Variants in ACOT11 observed in about 807,000 individuals in gnomAD.
ACOT11 encodes the protein acyl-CoA thioesterase 11, also known as acyl-coenzyme A thioesterase 11.
A neutral mutation model predicts 77.5 loss-of-function variants in ACOT11; 69 were observed. The ratio of observed to expected loss-of-function variants is 0.89; its 90% CI spans 0.73 to 1.09. The LOEUF is 1.09. ACOT11 is among the 50% of genes least tolerant of loss of function. The pLI, the probability that ACOT11 is intolerant of heterozygous loss-of-function variation, is 0.00. For synonymous variants in ACOT11, 279 were observed against 313.0 expected, an observed-to-expected ratio of 0.89 and a Z score of 1.15; for missense variants, 766 against 813.7, an observed-to-expected ratio of 0.94 and a Z score of 0.71.
At chr1:54,576,742 G>T (rs1288380400) in intron 1 of ACOT11, among the ~76,000 whole-genome samples, 1 of 152,176 alleles carries the variant, frequency 6.6e-6, no homozygotes, top group Non-Finnish European at 1.5e-5. Context: ...GATTAATTTT[G>T]TGAGGATGGC....
chr1:54,603,863 C>T lies in ACOT11; in HGVS notation c.1086-8C>T. ...GGGACCAAGGTTGTCATCTTCTCTC[C>T]TTCCCAGGAAGTACATCGTGTCCTG... On this transcript the variant is annotated splice_polypyrimidine_tract_variant and splice_region_variant and intron_variant, in intron 10 of 15. Transcript: ENST00000343744. The T allele has an allele frequency of 6.2e-7, 1 of 1,613,976 alleles. No homozygotes were observed. Among genetic ancestry groups the T allele is most frequent in the East Asian group, 2.2e-5 (1 of 44,878 alleles).
intron 3 of ACOT11, among the ~76,000 whole-genome samples, chr1:54,586,683 C>T (rs1397472993): frequency 1.3e-5 from 2 of 152,158 alleles, no homozygotes; most frequent in Non-Finnish European, 2.9e-5. Context: ...ATCCACCTGC[C>T]CTCGCCTCCC....
intron 15 of ACOT11, among the ~76,000 whole-genome samples, chr1:54,619,450 A>T (rs1644207270): frequency 6.6e-6 from 1 of 152,174 alleles, no homozygotes; most frequent in Non-Finnish European, 1.5e-5. Flanking sequence ...CCCATGAAAC[A>T]GATTGCATGG....
intron 3 of ACOT11, among the ~76,000 whole-genome samples, chr1:54,590,636 G>A (rs1654678733): frequency 6.6e-6 from 1 of 152,128 alleles, no homozygotes; most frequent in South Asian, 2.1e-4. Flanking sequence ...TTTTGATCAT[G>A]AAAACTTTCA....
Position 54,601,431 on chromosome 1 carries a change from C to T in ACOT11, c.1029+18C>T. On this transcript the variant is annotated intron_variant, in intron 9 of 15. Transcript: ENST00000343744. ...AGCCCGGCGTAAGTGGGACCAGCGC[C>T]CTGCCCCACCAGCAGCTCCCCTCCC... is the stretch of plus-strand genomic sequence containing the variant. 3.1e-6 allele frequency: 5 copies of T among 1,606,830 alleles called. No individual in the cohort carries two copies. The highest frequency in any genetic ancestry group is 4.2e-6 in the Non-Finnish European group (5 of 1,177,936).
intron 1 of ACOT11, among the ~76,000 whole-genome samples, chr1:54,570,299 C>A (rs1653887704): frequency 6.6e-6 from 1 of 152,180 alleles, no homozygotes; most frequent in Non-Finnish European, 1.5e-5. Flanking sequence ...TGAAATGAAC[C>A]ACAAACCAAT....
chr1:54,562,900 G>A (rs1313660385), intron 1 of ACOT11, among the ~76,000 whole-genome samples: 24 of 138,812 alleles, frequency 1.7e-4, no homozygotes, highest in African/African-American at 6.0e-4. Context: ...GCGGCCGGGC[G>A]GAGACGCTCC....
intron 1 of ACOT11, among the ~76,000 whole-genome samples, chr1:54,580,729 G>C (rs977043486): frequency 6.6e-6 from 1 of 152,216 alleles, no homozygotes; most frequent in Non-Finnish European, 1.5e-5. Context: ...GTCTGATGGG[G>C]GTGGCAACTG....
At chr1:54,587,806 C>A (rs1654560531) in intron 3 of ACOT11, among the ~76,000 whole-genome samples, 1 of 151,940 alleles carries the variant, frequency 6.6e-6, no homozygotes, top group Middle Eastern at 3.4e-3. Context: ...AAGTGATCTG[C>A]CTGCCTTGGC....
chr1:54,610,905 G>A (rs1644110876), downstream of ACOT11: 1 of 985,308 alleles, frequency 1.0e-6, no homozygotes, highest in Admixed American at 6.2e-5. Context: ...TCGGGGTCAA[G>A]GGAATGAGGG....
intron 15 of ACOT11, chr1:54,615,932 G>A (rs1189629136): frequency 1.4e-6 from 2 of 1,391,050 alleles, no homozygotes; most frequent in African/African-American, 1.4e-5. Context: ...GTCAGGGCTG[G>A]ACTTGCTTCC....
At chr1:54,562,587 GGA>G (rs1557647635) in intron 1 of ACOT11, among the ~76,000 whole-genome samples, 1 of 147,094 alleles carries the variant, frequency 6.8e-6, no homozygotes, top group Admixed American at 6.6e-5. Flanking sequence ...GCTGCCGGGC[GGA>G]GAGGCTCCTC....
intron 6 of ACOT11, among the ~76,000 whole-genome samples, chr1:54,596,069 T>A (rs1654887640): frequency 6.6e-6 from 1 of 152,246 alleles, no homozygotes; most frequent in African/African-American, 2.4e-5. Context: ...TCTTCTGTCC[T>A]AACAGCGCTC....
chr1:54,608,867 C>A lies in ACOT11; in HGVS notation c.1630-90C>A, dbSNP rs1005109290. ...TCCCAGAAGGCCAGCAAGGCTGACT[C>A]ACCACCAGCCTCGTGCCCACTGGGC... On this transcript the variant is annotated intron_variant, in intron 15 of 15. Coordinates refer to ENST00000343744, the MANE Select transcript of ACOT11 (RefSeq NM_147161.4). 1.5e-5 allele frequency: 19 copies of A among 1,309,070 alleles called. No homozygotes were observed. The African/African-American group carries it at 2.3e-4, about 16-fold the overall frequency. The allele number at this position is 1,309,070 out of a possible 1,614,324, so 81.1% of individuals were successfully genotyped here.
intron 3 of ACOT11, among the ~76,000 whole-genome samples, chr1:54,587,375 G>A (rs747175629): frequency 4.6e-5 from 7 of 151,438 alleles, no homozygotes; most frequent in Non-Finnish European, 8.8e-5. Flanking sequence ...TTAGCCGGGC[G>A]TGGTGGGGAG....
chr1:54,619,844 G>A, intron 15 of ACOT11: 1 of 1,612,796 alleles, frequency 6.2e-7, no homozygotes, highest in Non-Finnish European at 8.5e-7. Flanking sequence ...GCCTGCCTCA[G>A]TCTTGGCAGC....
At chr1:54,634,847 C>T (rs991472485) in exon 17 of ACOT11, 11 of 608,240 alleles carry the variant, frequency 1.8e-5, no homozygotes, top group South Asian at 5.8e-5. Flanking sequence ...GAGCAACACC[C>T]GTCGAACACA....
intron 5 of ACOT11, 64 bp downstream of exon 5, chr1:54,594,103 C>A: frequency 6.8e-7 from 1 of 1,473,770 alleles, no homozygotes; most frequent in South Asian, 1.2e-5. Flanking sequence ...CATGGCGAGT[C>A]TGGCTCAGGG....
intron 16 of ACOT11, among the ~76,000 whole-genome samples, chr1:54,632,861 G>A (rs1644308623): frequency 1.3e-5 from 2 of 152,130 alleles, no homozygotes; most frequent in Non-Finnish European, 2.9e-5. Flanking sequence ...GTTATATATT[G>A]CATTGTGAGG....
Sources: gnomAD v4.1 joint callset for allele counts (sites outside exome capture counted in the v4.1 genomes callset) on GRCh38, gnomAD v4.1.1 for gene constraint, MANE v1.5 for transcripts, NCBI Gene and HGNC (gene_info 2026-07-23, HGNC 2026-07-21) for gene names.